The following ROBO2 variants were observed in gnomAD, a reference collection of about 807,000 sequenced individuals.
The protein encoded by ROBO2 is roundabout homolog 2.
A neutral mutation model predicts 160.8 loss-of-function variants in ROBO2; 53 were observed. The ratio of observed to expected loss-of-function variants is 0.33; its 90% CI spans 0.26 to 0.41. The LOEUF (loss-of-function observed/expected upper bound fraction) is 0.41, where lower values mean the gene tolerates loss of function less well. Among genes scored for constraint, ROBO2 ranks in the 10% least tolerant of loss-of-function variants. The pLI, the probability that ROBO2 is intolerant of heterozygous loss-of-function variation, is 1.00. For synonymous variants in ROBO2, 664 were observed against 611.7 expected (o/e 1.09, Z -1.26); for missense variants, 1,577 against 1,722.4 (o/e 0.92, Z 1.49).
At chr3:77,171,048 C>T (rs371580670) in intron 2 of ROBO2, among the ~76,000 whole-genome samples, 6 of 151,974 alleles carry the variant, frequency 3.9e-5, no homozygotes, top group African/African-American at 7.3e-5. Context: ...TGAGACTGGT[C>T]GATTCTTGAG....
chr3:75,932,003 C>T (rs1304717555), intron 1 of ROBO2, among the ~76,000 whole-genome samples: 1 of 151,930 alleles, frequency 6.6e-6, no homozygotes. Flanking sequence ...ATGTAGTTTC[C>T]GAGAAACAAA....
intron 2 of ROBO2, among the ~76,000 whole-genome samples, chr3:76,517,526 T>C (rs1465271562): frequency 6.6e-6 from 1 of 152,096 alleles, no homozygotes; most frequent in Non-Finnish European, 1.5e-5. Context: ...AGCAGTAGAG[T>C]GTGGATTTCT....
intron 5 of ROBO2, among the ~76,000 whole-genome samples, chr3:77,505,769 T>C (rs977578134): frequency 1.3e-5 from 2 of 152,178 alleles, no homozygotes; most frequent in African/African-American, 2.4e-5. Flanking sequence ...GGAACTCTTA[T>C]CATTGTTATT....
intron 2 of ROBO2, among the ~76,000 whole-genome samples, chr3:76,869,340 A>ATCTTTTTTTTTTTTTTTTTTTT (rs1178461363): frequency 9.2e-6 from 1 of 108,140 alleles, no homozygotes; most frequent in Non-Finnish European, 1.9e-5. Flanking sequence ...GTAGAAATTG[A>ATCTTTTTTTTTTTTTTTTTTTT]TGTTTTTTTT....
At chr3:77,493,532 G>A in intron 5 of ROBO2, 150 bp downstream of exon 5, 1 of 835,394 alleles carries the variant, frequency 1.2e-6, no homozygotes, top group Non-Finnish European at 2.0e-6. Context: ...CATATTTACT[G>A]TTTGTATGTT....
intron 2 of ROBO2, among the ~76,000 whole-genome samples, chr3:77,454,286 TG>T (rs2081399312): frequency 1.3e-5 from 2 of 152,180 alleles, no homozygotes; most frequent in Non-Finnish European, 2.9e-5. Context: ...ATTTGGTTAT[TG>T]GGTTTTTGCA....
chr3:76,139,750 G>C lies in ROBO2; in HGVS notation c.109+202148G>C, dbSNP rs576394374. Among the ~76,000 whole-genome samples the C allele has an allele frequency of 1.6e-3, 238 of 152,146 alleles. 1 individual carries two copies. The highest frequency in any genetic ancestry group is 4.2e-3 in the South Asian group (20 of 4,816). On this transcript the variant is annotated intron_variant, in intron 2 of 26. Coordinates refer to the ROBO2 transcript ENST00000487694. ...ATAAAGAGCCCCTGAAGCATTGTCT[G>C]CATCGAGGAACCAATATTATTTCTT...
At chr3:76,199,275 A>T (rs1052400865) in intron 2 of ROBO2, among the ~76,000 whole-genome samples, 7 of 152,128 alleles carry the variant, frequency 4.6e-5, no homozygotes, top group African/African-American at 1.7e-4. Context: ...TGTAGGAAGG[A>T]GTCAAACCCC....
chr3:76,257,717 A>C (rs989781999), intron 2 of ROBO2, among the ~76,000 whole-genome samples: 5 of 142,312 alleles, frequency 3.5e-5, no homozygotes, highest in African/African-American at 1.3e-4. Flanking sequence ...CTCTCACTGC[A>C]TACAGTTATT....
intron 2 of ROBO2, among the ~76,000 whole-genome samples, chr3:76,533,170 C>T (rs753530501): frequency 2.0e-5 from 3 of 152,182 alleles, no homozygotes; most frequent in Non-Finnish European, 1.5e-5. Context: ...ATCTCTTTAG[C>T]CCATGTGTAT....
At chr3:77,617,597 T>A (rs538969259) in exon 22 of ROBO2, 1 of 1,614,186 alleles carries the variant, frequency 6.2e-7, no homozygotes, top group Non-Finnish European at 8.5e-7. Flanking sequence ...AAGAAGATGA[T>A]GATAGGGTCC....
intron 2 of ROBO2, among the ~76,000 whole-genome samples, chr3:76,039,181 A>G (rs1365583251): frequency 2.6e-5 from 4 of 152,024 alleles, no homozygotes; most frequent in Admixed American, 6.5e-5. Context: ...GATGCGGTAC[A>G]GTTTCCTGTC....
chr3:76,331,699 T>C (rs1447902495), intron 2 of ROBO2, among the ~76,000 whole-genome samples: 4 of 151,934 alleles, frequency 2.6e-5, no homozygotes, highest in South Asian at 2.1e-4. Context: ...AATTTTTTTT[T>C]TTTTTTCGAG....
chr3:76,032,818 A>C (rs955309323), intron 2 of ROBO2, among the ~76,000 whole-genome samples: 1 of 152,226 alleles, frequency 6.6e-6, no homozygotes, highest in Admixed American at 6.5e-5. Context: ...ATGGCATGCT[A>C]GTTTAAAAAT....
intron 2 of ROBO2, among the ~76,000 whole-genome samples, chr3:77,185,072 G>T (rs74336763): frequency 6.6e-6 from 1 of 151,962 alleles, no homozygotes; most frequent in African/African-American, 2.4e-5. Flanking sequence ...CAAGTCTCTG[G>T]GTTCAGCGCT....
intron 2 of ROBO2, among the ~76,000 whole-genome samples, chr3:76,955,098 T>A (rs148605969): frequency 2.0e-5 from 3 of 152,332 alleles, no homozygotes; most frequent in Admixed American, 1.3e-4. Context: ...ATTCTAGATA[T>A]TTCATATAAG....
intron 2 of ROBO2, among the ~76,000 whole-genome samples, chr3:77,100,532 G>T (rs1281344939): frequency 6.6e-6 from 1 of 151,454 alleles, no homozygotes; most frequent in Non-Finnish European, 1.5e-5. Context: ...AGCTGTAGAG[G>T]AACAACTTCA....
intron 2 of ROBO2, among the ~76,000 whole-genome samples, chr3:76,361,188 C>A (rs1211665489): frequency 1.3e-5 from 2 of 152,012 alleles, no homozygotes; most frequent in African/African-American, 4.8e-5. Context: ...CCTGACAGTG[C>A]ACTTGAGTGT....
intron 2 of ROBO2, among the ~76,000 whole-genome samples, chr3:75,998,561 G>T (rs1399219503): frequency 6.6e-6 from 1 of 152,142 alleles, no homozygotes; most frequent in Admixed American, 6.5e-5. Flanking sequence ...TTAAGAGAGA[G>T]AAATATATCC....
Sources: gnomAD v4.1 joint callset for allele counts (sites outside exome capture counted in the v4.1 genomes callset) on GRCh38, gnomAD v4.1.1 for gene constraint, MANE v1.5 for transcripts, NCBI Gene and HGNC (gene_info 2026-07-23, HGNC 2026-07-21) for gene names.